Variants in SHANK2 observed in about 807,000 individuals in gnomAD.
SHANK2 encodes the protein SH3 and multiple ankyrin repeat domains protein 2.
SHANK2 carries 43 observed loss-of-function variants against 133.7 expected under a neutral mutation model. The observed-to-expected ratio is 0.32, with a 90% CI of 0.25 to 0.41. The LOEUF is 0.41. Ranked by LOEUF, SHANK2 falls within the 10% of genes least tolerant of loss-of-function variation. SHANK2 has a pLI of 1.00. For missense variants in SHANK2, 1,994 were observed against 2,235.8 expected (o/e 0.89, Z 2.18); for synonymous variants, 1,017 against 952.8 (o/e 1.07, Z -1.24).
In SHANK2 at chr11:70,474,087, G is replaced by A. The variant is rs147253293; in HGVS notation, c.4980-648C>T. ...GGGCACTCAGGGGTTGAGATCACCC[G>A]GAAACCCAGACAGCAGGGCGTGGCT... On this transcript the variant is annotated intron_variant, in intron 25 of 25. Coordinates refer to ENST00000601538, the MANE Select transcript of SHANK2 (RefSeq NM_012309.5). The A allele has an allele frequency of 1.9e-3, 335 of 173,698 alleles. 5 individuals carry two copies. The highest frequency in any genetic ancestry group is 7.3e-3 in the African/African-American group (312 of 42,624). The allele number at this position is 173,698 out of a possible 1,614,324, so 10.8% of individuals were successfully genotyped here. A position where few individuals can be genotyped will look rare whatever the true frequency, so the allele number is the denominator to read the frequency against.
intron 2 of SHANK2, among the ~76,000 whole-genome samples, chr11:71,155,873 C>T (rs534121432): frequency 3.9e-5 from 6 of 152,176 alleles, no homozygotes; most frequent in African/African-American, 1.2e-4. Flanking sequence ...TGTGGAAGTC[C>T]GAATCCCCGG....
intron 17 of SHANK2, among the ~76,000 whole-genome samples, chr11:70,637,416 T>C (rs538979842): frequency 1.3e-5 from 2 of 151,848 alleles, no homozygotes; most frequent in Non-Finnish European, 2.9e-5. Flanking sequence ...TGGGGGCAGG[T>C]GGGGCTGGGC....
intron 21 of SHANK2, chr11:70,495,833 G>A (rs1555156973): frequency 5.0e-6 from 1 of 200,238 alleles, no homozygotes; most frequent in South Asian, 5.8e-5. Context: ...GGGGGCAGCC[G>A]CAGAATCCAG....
At chr11:71,217,369 C>T (rs1417966607) in intron 2 of SHANK2, among the ~76,000 whole-genome samples, 2 of 150,752 alleles carry the variant, frequency 1.3e-5, no homozygotes, top group East Asian at 2.0e-4. Context: ...TAATTGGGCA[C>T]GGTGGCGCGC....
intron 17 of SHANK2, among the ~76,000 whole-genome samples, chr11:70,548,692 C>T (rs1393529007): frequency 6.6e-6 from 1 of 152,170 alleles, no homozygotes; most frequent in Non-Finnish European, 1.5e-5. Context: ...AAAAGTGTTA[C>T]CCCCAAACCT....
At chr11:70,898,324 GTA>G (rs144423096) in intron 10 of SHANK2, among the ~76,000 whole-genome samples, 8,009 of 141,392 alleles carry the variant, frequency 0.057, 387 homozygotes, top group African/African-American at 0.13. Context: ...ATATATATGT[GTA>G]TATATATATA....
At chr11:70,897,048 A>G (rs1949946502) in intron 10 of SHANK2, among the ~76,000 whole-genome samples, 1 of 152,242 alleles carries the variant, frequency 6.6e-6, no homozygotes, top group South Asian at 2.1e-4. Context: ...GTTATGTGGG[A>G]AAAATTCTAC....
intron 2 of SHANK2, among the ~76,000 whole-genome samples, chr11:71,210,373 C>T (rs1447191150): frequency 5.3e-5 from 8 of 150,570 alleles, no homozygotes; most frequent in East Asian, 2.0e-4. Context: ...CTCAGCCTCC[C>T]GAGTAGCTGG....
chr11:70,798,456 C>T lies in SHANK2; in HGVS notation c.1764G>A (p.Arg588=), dbSNP rs1947967601. ...CGCTCGCCTTACCTGCCTGGCTGTC[C>T]CTGGGCTTACACTGGACCTCCTCCA... is the stretch of plus-strand genomic sequence containing the variant. ...ECVEEVQCKP[R]DSQAETRADR... Residue 588 remains arginine (R), a synonymous_variant, in exon 14 of 26, where the codon AGG becomes AGA. Coordinates refer to ENST00000601538, the MANE Select transcript of SHANK2 (RefSeq NM_012309.5). 1 of 718,302 alleles carries T rather than the reference C, an allele frequency of 1.4e-6. No individual in the cohort carries two copies. Among genetic ancestry groups the T allele is most frequent in the Non-Finnish European group, 2.6e-6 (1 of 385,118 alleles). 44.5% of individuals were successfully genotyped at this position (718,302 alleles called of 1,614,324 possible).
chr11:70,823,047 C>A, intron 11 of SHANK2, among the ~76,000 whole-genome samples: 1 of 109,860 alleles, frequency 9.1e-6, no homozygotes. Flanking sequence ...TGGCAGAGCC[C>A]ACGGGGGACA....
intron 3 of SHANK2, among the ~76,000 whole-genome samples, chr11:71,131,696 A>C (rs1952310514): frequency 5.9e-5 from 9 of 152,202 alleles, no homozygotes; most frequent in Admixed American, 5.9e-4. Context: ...CAGAGATCAG[A>C]TGCTGGCCAG....
At chr11:71,096,778 C>T (rs1387491205) in intron 6 of SHANK2, among the ~76,000 whole-genome samples, 2 of 152,168 alleles carry the variant, frequency 1.3e-5, no homozygotes, top group African/African-American at 4.8e-5. Context: ...CAGTCCAAAG[C>T]AGATTTTTTA....
chr11:70,758,097 G>A (rs1555039357), intron 14 of SHANK2, among the ~76,000 whole-genome samples: 1 of 152,182 alleles, frequency 6.6e-6, no homozygotes, highest in Non-Finnish European at 1.5e-5. Flanking sequence ...ATAGTAAAGA[G>A]AGCTCACTAA....
chr11:70,900,011 A>G (rs1411438043), intron 10 of SHANK2, among the ~76,000 whole-genome samples: 2 of 152,212 alleles, frequency 1.3e-5, no homozygotes, highest in East Asian at 3.8e-4. Flanking sequence ...TTGAGATCTC[A>G]CAAGTAAAGG....
chr11:71,167,827 GGCC>G (rs1953206590), intron 2 of SHANK2, among the ~76,000 whole-genome samples: 1 of 140,864 alleles, frequency 7.1e-6, no homozygotes, highest in African/African-American at 2.6e-5. Flanking sequence ...CGGACGGGGC[GGCC>G]GGCCAGGCAG....
rs530132208 is a variant in SHANK2 at position 70,691,238 on chromosome 11, A to G, written c.1853+7450T>C. Among the ~76,000 whole-genome samples, 11 of 152,296 alleles carry G rather than the reference A, an allele frequency of 7.2e-5. No homozygotes were observed. The South Asian group carries it at 1.7e-3, about 23-fold the overall frequency. On this transcript the variant is annotated intron_variant, in intron 15 of 25. Transcript: ENST00000601538. ...GAACATGGACAAGAGCCAAGGGGCC[A>G]GCCCAGGGAAACAGCAGGAGGACGA... is the stretch of plus-strand genomic sequence containing the variant.
chr11:70,905,563 C>A (rs370149162), intron 10 of SHANK2, among the ~76,000 whole-genome samples: 2 of 152,114 alleles, frequency 1.3e-5, no homozygotes, highest in Admixed American at 1.3e-4. Context: ...GAGCTGGGGC[C>A]TTTGGGAGGT....
intron 9 of SHANK2, among the ~76,000 whole-genome samples, chr11:71,073,140 TTCTTTTCTTTTTTTTCTTTTTTTTC>T (rs1951165613): frequency 1.1e-5 from 1 of 92,880 alleles, no homozygotes; most frequent in African/African-American, 3.1e-5. Flanking sequence ...TTTTTTCTTT[TTCTTTTCTTTTTTTTCTTTTTTTTC>T]TTTTTTTTTT....
rs933006715 is a variant in SHANK2 at position 70,817,018 on chromosome 11, C to T, written c.1493+3346G>A. On this transcript the variant is annotated intron_variant, in intron 12 of 25. Coordinates refer to ENST00000601538, the MANE Select transcript of SHANK2 (RefSeq NM_012309.5). ...ACTGGCTCCCTTCTGTGCCTCTCAC[C>T]GTGCAAAGACACTTCTGCCCCCCGA... Among the ~76,000 whole-genome samples the T allele has an allele frequency of 3.3e-5, 5 of 152,354 alleles. No homozygotes were observed. The East Asian group carries it at 5.8e-4, about 18-fold the overall frequency.
Sources: allele counts gnomAD v4.1 joint callset (sites outside exome capture counted in the v4.1 genomes callset), GRCh38; gene constraint gnomAD v4.1.1; transcripts MANE v1.5; gene names NCBI Gene and HGNC (gene_info 2026-07-23, HGNC 2026-07-21).